PSMG2: variants seen among roughly 807,000 people sequenced by gnomAD.
The protein encoded by PSMG2 is proteasome assembly chaperone 2, also known as CD40 ligand-activated specific transcript 3.
A neutral mutation model predicts 31.5 loss-of-function variants in PSMG2; 21 were observed. That is an observed-to-expected ratio of 0.67 (90% CI 0.47 to 0.96). The LOEUF (loss-of-function observed/expected upper bound fraction) is 0.96. PSMG2 is among the 40% of genes least tolerant of loss of function. The pLI, the probability that PSMG2 is intolerant of heterozygous loss-of-function variation, is 0.00. For synonymous variants in PSMG2, 120 were observed against 110.4 expected (o/e 1.09, Z -0.54); for missense variants, 318 against 321.2 (o/e 0.99, Z 0.08).
chr18:12,699,090 T>G, upstream of PSMG2: 2 of 1,614,068 alleles, frequency 1.2e-6, no homozygotes, highest in Non-Finnish European at 1.7e-6. Context: ...AAACATAAAG[T>G]AAACGTTGAA....
intron 1 of PSMG2, among the ~76,000 whole-genome samples, chr18:12,690,946 C>G (rs570123215): frequency 1.4e-4 from 21 of 151,552 alleles, no homozygotes; most frequent in African/African-American, 3.4e-4. Flanking sequence ...AGAGCCCCCC[C>G]CCGTTCTGCA....
chr18:12,676,927 C>G (rs1350884349), intron 1 of PSMG2, among the ~76,000 whole-genome samples: 1 of 152,124 alleles, frequency 6.6e-6, no homozygotes, highest in Non-Finnish European at 1.5e-5. Flanking sequence ...AGGAGTGGAA[C>G]AGGGAACCCT....
At chr18:12,707,056 C>T (rs1055693429) in intron 2 of PSMG2, among the ~76,000 whole-genome samples, 2 of 152,118 alleles carry the variant, frequency 1.3e-5, no homozygotes, top group Non-Finnish European at 2.9e-5. Context: ...CCCGGGTTCA[C>T]GCCATTCTCC....
intron 1 of PSMG2, chr18:12,662,201 AAAC>A (rs947548947): frequency 2.2e-5 from 10 of 446,982 alleles, no homozygotes; most frequent in African/African-American, 2.0e-4. Flanking sequence ...GAAAAAAAAA[AAAC>A]AGCATATTTT....
intron 1 of PSMG2, chr18:12,673,099 C>T: frequency 9.7e-7 from 1 of 1,030,962 alleles, no homozygotes; most frequent in South Asian, 3.6e-5. Flanking sequence ...CTACTGATAA[C>T]TGTAAACAAA....
intron 1 of PSMG2, among the ~76,000 whole-genome samples, chr18:12,671,455 T>TA (rs1420217844): frequency 6.6e-6 from 1 of 151,666 alleles, no homozygotes; most frequent in African/African-American, 2.4e-5. Context: ...ATAAAAAACT[T>TA]AAAAAAAATG....
chr18:12,691,155 T>C (rs553381040), intron 1 of PSMG2: 1 of 404,264 alleles, frequency 2.5e-6, no homozygotes, highest in South Asian at 8.7e-5. Context: ...CCACAATAAC[T>C]GAAATTGAAA....
At chr18:12,719,360 A>G (rs1458462396) in intron 4 of PSMG2, among the ~76,000 whole-genome samples, 3 of 152,202 alleles carry the variant, frequency 2.0e-5, no homozygotes, top group Non-Finnish European at 1.5e-5. Flanking sequence ...CATATCATAT[A>G]GAATACTCTT....
intron 1 of PSMG2, among the ~76,000 whole-genome samples, chr18:12,694,309 A>C (rs2039872388): frequency 6.6e-6 from 1 of 152,242 alleles, no homozygotes. Flanking sequence ...TAAAAGGAAC[A>C]ATATGACAGG....
chr18:12,719,683 G>A (rs1418390852), intron 4 of PSMG2, among the ~76,000 whole-genome samples: 6 of 147,668 alleles, frequency 4.1e-5, no homozygotes, highest in African/African-American at 7.5e-5. Flanking sequence ...CACTGTGCCC[G>A]TCCCCAGGAT....
chr18:12,661,359 C>T lies in PSMG2; in HGVS notation c.-37+2586C>T, dbSNP rs1320386293. ...GCCTTACCGTCATCCATCATCACAA[C>T]ACTCTGAAAGTGACTGCTGACCACT... On this transcript the variant is annotated intron_variant, in intron 1 of 6. Transcript: ENST00000585331. 4 of 984,698 alleles carry T rather than the reference C, an allele frequency of 4.1e-6. No individual in the cohort carries two copies. In the African/African-American group the frequency reaches 7.0e-5, roughly 17 times the overall value. 61.0% of individuals were successfully genotyped at this position (984,698 alleles called of 1,614,324 possible). A position where few individuals can be genotyped will look rare whatever the true frequency, so the allele number is the denominator to read the frequency against.
At chr18:12,673,463 G>C (rs1429314920) in intron 1 of PSMG2, 1 of 1,588,694 alleles carries the variant, frequency 6.3e-7, no homozygotes. Context: ...AGTCGCACTT[G>C]GTCTCCACGG....
intron 4 of PSMG2, 138 bp from the exon 5 acceptor site, chr18:12,720,372 G>C (rs1401303252): frequency 1.5e-6 from 1 of 655,866 alleles, no homozygotes; most frequent in Non-Finnish European, 2.4e-6. Flanking sequence ...GCAAATCAGA[G>C]CAATATTTTT....
chr18:12,714,829 G>C (rs532003890), intron 3 of PSMG2, among the ~76,000 whole-genome samples: 24 of 149,378 alleles, frequency 1.6e-4, no homozygotes, highest in African/African-American at 3.2e-4. Flanking sequence ...CCTCAGCCTC[G>C]CAAGCAGCTG....
At chr18:12,690,864 T>C (rs764563647) in intron 1 of PSMG2, among the ~76,000 whole-genome samples, 2 of 152,166 alleles carry the variant, frequency 1.3e-5, no homozygotes, top group African/African-American at 2.4e-5. Context: ...TAAACATTAC[T>C]GGTCACTGGC....
At position 12,697,279 on chromosome 18, in the gene PSMG2, G is replaced by A. The variant is rs762993284; in HGVS notation, c.-36-9271G>A. 52 of 1,613,806 alleles carry A rather than the reference G, an allele frequency of 3.2e-5. No homozygotes were observed. The highest frequency in any genetic ancestry group is 6.7e-5 in the African/African-American group (5 of 74,916). ...CACTCCATTTTCTGAGCCCAAAACC[G>A]ATCGCCATTCCAGAAAATATGATGC... On this transcript the variant is annotated intron_variant, in intron 1 of 6. Transcript: ENST00000585331.
chr18:12,722,428 A>G (rs893893600), intron 5 of PSMG2, among the ~76,000 whole-genome samples: 2 of 152,136 alleles, frequency 1.3e-5, no homozygotes, highest in Non-Finnish European at 2.9e-5. Context: ...AGGCCGAGGC[A>G]ACTGGAAATA....
upstream of PSMG2, among the ~76,000 whole-genome samples, chr18:12,701,539 G>A (rs995232137): frequency 2.6e-5 from 4 of 152,080 alleles, no homozygotes; most frequent in Admixed American, 6.6e-5. Flanking sequence ...TCACCGATAA[G>A]AATGGAAAAA....
intron 2 of PSMG2, among the ~76,000 whole-genome samples, chr18:12,709,356 TC>T (rs2040305281): frequency 6.6e-6 from 1 of 151,594 alleles, no homozygotes; most frequent in Non-Finnish European, 1.5e-5. Flanking sequence ...AGATGGAGTC[TC>T]ACTCCGTCAC....
Sources: gnomAD v4.1 joint callset for allele counts (sites outside exome capture counted in the v4.1 genomes callset) on GRCh38, gnomAD v4.1.1 for gene constraint, MANE v1.5 for transcripts, NCBI Gene and HGNC (gene_info 2026-07-23, HGNC 2026-07-21) for gene names.